FXR1: variants seen among roughly 807,000 people sequenced by gnomAD.
FXR1 encodes FMR1 autosomal homolog 1, also known as RNA-binding protein FXR1.
In FXR1, 15 loss-of-function variants were observed where a neutral mutation model predicts 84.0. The ratio of observed to expected loss-of-function variants is 0.18; its 90% confidence interval spans 0.12 to 0.27. FXR1 has a LOEUF of 0.27. FXR1 is among the 10% of genes least tolerant of loss of function. The probability of loss-of-function intolerance (pLI) is 1.00; values close to 1 mark genes in which losing one functional copy is unlikely to be tolerated. For missense variants in FXR1, 480 were observed against 774.4 expected, an observed-to-expected ratio of 0.62 and a Z score of 4.51; for synonymous variants, 245 against 250.7, an observed-to-expected ratio of 0.98 and a Z score of 0.21.
intron 1 of FXR1, among the ~76,000 whole-genome samples, chr3:180,920,329 G>A (rs143243911): frequency 1.3e-3 from 191 of 152,166 alleles, no homozygotes; most frequent in African/African-American, 4.3e-3. Context: ...GTTGAATGAT[G>A]TGTAATCTTA....
chr3:180,962,227 A>G (rs921455630), intron 11 of FXR1, among the ~76,000 whole-genome samples: 4 of 152,124 alleles, frequency 2.6e-5, no homozygotes, highest in Admixed American at 6.5e-5. Flanking sequence ...AGTCTGTCGT[A>G]TCATTGTTGC....
At chr3:180,937,963 A>C (rs956265480) in intron 3 of FXR1, among the ~76,000 whole-genome samples, 2 of 152,134 alleles carry the variant, frequency 1.3e-5, no homozygotes, top group Non-Finnish European at 2.9e-5. Context: ...TGTATAAAGG[A>C]CATATTTAAG....
In FXR1 at chr3:180,962,879, G is replaced by A. The variant is rs1318684455; in HGVS notation, c.1078-4G>A. On this transcript the variant is annotated splice_region_variant and splice_polypyrimidine_tract_variant and intron_variant, in intron 11 of 16. Coordinates refer to ENST00000357559, the MANE Select transcript of FXR1 (RefSeq NM_005087.4). ...AGACTTACTCTTTTTTGTTTTGATT[G>A]TAGGAAGTAGAACAGCTAAGAATGG... The A allele has an allele frequency of 6.3e-7, 1 of 1,593,040 alleles. No individual in the cohort carries two copies. Among genetic ancestry groups the A allele is most frequent in the South Asian group, 1.1e-5 (1 of 89,940 alleles).
At chr3:180,934,152 T>G (rs1720267386) in intron 2 of FXR1, among the ~76,000 whole-genome samples, 1 of 151,100 alleles carries the variant, frequency 6.6e-6, no homozygotes, top group African/African-American at 2.5e-5. Flanking sequence ...AAAAAAACTG[T>G]TCAGCTTCCA....
At chr3:180,912,794 A>T (rs927671505) in intron 1 of FXR1, 58 bp downstream of exon 1, 25 of 1,612,526 alleles carry the variant, frequency 1.6e-5, no homozygotes, top group Middle Eastern at 1.6e-4. Context: ...CGTTTGAGGG[A>T]GGGTTGGTGG....
In FXR1 at chr3:180,919,922, T is replaced by G. The variant is rs376198559; in HGVS notation, c.51+7186T>G. Among the ~76,000 whole-genome samples, 5 of 152,210 alleles carry G rather than the reference T, an allele frequency of 3.3e-5. No individual in the cohort carries two copies. In the East Asian group the frequency reaches 7.7e-4, roughly 24 times the overall value. On this transcript the variant is annotated intron_variant, in intron 1 of 16. Transcript: ENST00000357559. ...ACCTTATGATCTTCCTGCCTCAGCC[T>G]CCCAAAGTGCTGGGATTACAGGCAT...
chr3:180,975,482 A>G (rs1479806245), intron 16 of FXR1, 78 bp downstream of exon 16: 2 of 562,514 alleles, frequency 3.6e-6, no homozygotes, highest in Non-Finnish European at 6.3e-6. Context: ...TACTACTTTT[A>G]CTGTGTGATC....
Position 180,975,324 on chromosome 3 carries a change from G to T in FXR1, c.1615G>T (p.Asp539Tyr). Residue 539 changes from aspartate (D) to tyrosine (Y), a missense_variant, in exon 16 of 17, where the codon GAT becomes TAT. Transcript: ENST00000357559. ...VNENGLVTVA[D>Y]YISRAESQSR... is the part of the protein sequence containing the mutation. Reference sequence around the variant, plus strand: ...CTCATCTTTAACAGTCACAGTTGCAGATTATATTTCTAGAGCTGAGTCTCA... The same window carrying T: ...CTCATCTTTAACAGTCACAGTTGCATATTATATTTCTAGAGCTGAGTCTCA... 2 of 1,451,918 alleles carry T rather than the reference G, an allele frequency of 1.4e-6. No individual in the cohort carries two copies. Among genetic ancestry groups the T allele is most frequent in the South Asian group, 1.3e-5 (1 of 79,842 alleles). 89.9% of individuals were successfully genotyped at this position (1,451,918 alleles called of 1,614,324 possible).
chr3:180,953,604 A>G (rs1044551428), intron 8 of FXR1, among the ~76,000 whole-genome samples, 158 bp from the exon 9 acceptor site: 6 of 152,158 alleles, frequency 3.9e-5, no homozygotes, highest in Admixed American at 3.9e-4. Flanking sequence ...TACTTTGTGA[A>G]TCACTTCACC....
Position 180,968,357 on chromosome 3 carries a change from T to C in FXR1, c.1402+103T>C, listed in dbSNP as rs2108491132. The C allele has an allele frequency of 4.1e-6, 3 of 737,814 alleles. No individual in the cohort carries two copies. In the Admixed American group the frequency reaches 6.4e-5, roughly 16 times the overall value. 45.7% of individuals were successfully genotyped at this position (737,814 alleles called of 1,614,324 possible). ...GCCACCCATTTTTGGAAGTTTCTCTTGCTACTCATTGTCTTAGAGAAAGTA... is the reference window on the plus strand; with the variant it reads ...GCCACCCATTTTTGGAAGTTTCTCTCGCTACTCATTGTCTTAGAGAAAGTA... On this transcript the variant is annotated intron_variant, in intron 14 of 16. Coordinates refer to ENST00000357559, the MANE Select transcript of FXR1 (RefSeq NM_005087.4).
intron 15 of FXR1, chr3:180,971,163 G>C (rs1713528822): frequency 8.4e-7 from 1 of 1,193,372 alleles, no homozygotes; most frequent in Non-Finnish European, 1.1e-6. Context: ...CAGGTAACTT[G>C]AGTGGACCTG....
chr3:180,951,360 C>T lies in FXR1; in HGVS notation c.693C>T (p.Gly231=), dbSNP rs1413406867. 1.2e-6 allele frequency: 2 copies of T among 1,607,598 alleles called. No individual in the cohort carries two copies. Among genetic ancestry groups the T allele is most frequent in the Non-Finnish European group, 1.7e-6 (2 of 1,174,570 alleles). The change falls in exon 8 of 17, where the codon GGC becomes GGT. Residue 231 remains glycine (G), a synonymous_variant. Coordinates refer to ENST00000357559, the MANE Select transcript of FXR1 (RefSeq NM_005087.4). Reference sequence around the variant, plus strand: ...TTGTTGTGAGAGAAGATTTAATGGGCCTGGCAATAGGAACACATGGTAGTA... The same window carrying T: ...TTGTTGTGAGAGAAGATTTAATGGGTCTGGCAATAGGAACACATGGTAGTA... ...EEFVVREDLM[G]LAIGTHGSNI...
chr3:180,941,173 T>C (rs146121605), intron 3 of FXR1, among the ~76,000 whole-genome samples: 29 of 150,156 alleles, frequency 1.9e-4, no homozygotes, highest in African/African-American at 4.5e-4. Flanking sequence ...TTTACAACTT[T>C]TTAGATTTTT....
chr3:180,975,245 C>A, intron 15 of FXR1, 68 bp from the exon 16 acceptor site: 2 of 629,072 alleles, frequency 3.2e-6, no homozygotes, highest in Non-Finnish European at 5.5e-6. Context: ...GTGAAATTAC[C>A]CTTTATCCAT....
chr3:180,939,069 A>AT (rs1200628887), intron 3 of FXR1, among the ~76,000 whole-genome samples: 1 of 151,206 alleles, frequency 6.6e-6, no homozygotes, highest in African/African-American at 2.4e-5. Context: ...TAATTTTTTT[A>AT]TTTTTAGTAG....
intron 8 of FXR1, among the ~76,000 whole-genome samples, chr3:180,952,169 G>T (rs1360138608): frequency 1.3e-5 from 2 of 152,202 alleles, no homozygotes; most frequent in East Asian, 3.9e-4. Flanking sequence ...TGTTGCACAG[G>T]CTTGTCTCGA....
chr3:180,976,400 C>G lies in FXR1; in HGVS notation c.*108C>G. 1 of 683,652 alleles carries G rather than the reference C, an allele frequency of 1.5e-6. No homozygotes were observed. The highest frequency in any genetic ancestry group is 2.4e-6 in the Non-Finnish European group (1 of 411,580). 42.3% of individuals were successfully genotyped at this position (683,652 alleles called of 1,614,324 possible). A position where few individuals can be genotyped will look rare whatever the true frequency, so the allele number is the denominator to read the frequency against. On this transcript the variant is annotated 3_prime_UTR_variant, in exon 17 of 17. Transcript: ENST00000357559. ...ATCGCCAGTCTTTACATCGCACTTT[C>G]AGTTCCTCCATTTGGAATTCAAAAA...
chr3:180,982,657 T>C lies in FXR1; in HGVS notation c.*6365T>C, dbSNP rs1357016801. ...ATCACTATCTGTCTTTGAAAAATTT[T>C]CTTTTAAGTCTCAACTATTTCTTCA... On this transcript the variant is annotated 3_prime_UTR_variant, in exon 17 of 17. Coordinates refer to ENST00000357559, the MANE Select transcript of FXR1 (RefSeq NM_005087.4). 6.6e-6 allele frequency: 1 copy of C among 152,166 alleles called. No individual in the cohort carries two copies. Among genetic ancestry groups the C allele is most frequent in the East Asian group, 1.9e-4 (1 of 5,202 alleles). 9.4% of individuals were successfully genotyped at this position (152,166 alleles called of 1,614,324 possible).
chr3:180,921,685 G>A (rs1718609720), intron 1 of FXR1, among the ~76,000 whole-genome samples: 1 of 151,492 alleles, frequency 6.6e-6, no homozygotes, highest in Non-Finnish European at 1.5e-5. Context: ...TTAGAAGTGG[G>A]GAGTGGTGAT....
Sources: gnomAD v4.1 joint callset for allele counts (sites outside exome capture counted in the v4.1 genomes callset) on GRCh38, gnomAD v4.1.1 for gene constraint, MANE v1.5 for transcripts, NCBI Gene and HGNC (gene_info 2026-07-23, HGNC 2026-07-21) for gene names.